The following DLG2 variants were observed in gnomAD, a reference collection of about 807,000 sequenced individuals.
The protein encoded by DLG2 is discs large MAGUK scaffold protein 2.
Under a neutral mutation model 132.5 loss-of-function variants are expected in DLG2, and 45 were observed. The ratio of observed to expected loss-of-function variants is 0.34; its 90% CI spans 0.27 to 0.44. The LOEUF (loss-of-function observed/expected upper bound fraction) is 0.44. Among genes scored for constraint, DLG2 ranks in the 20% least tolerant of loss-of-function variants. The pLI, the probability that DLG2 is intolerant of heterozygous loss-of-function variation, is 1.00. For missense variants in DLG2, 1,045 were observed against 1,196.9 expected, an observed-to-expected ratio of 0.87 and a Z score of 1.87; for synonymous variants, 424 against 419.6, an observed-to-expected ratio of 1.01 and a Z score of -0.13.
chr11:85,182,611 T>C (rs1417307579), intron 4 of DLG2, among the ~76,000 whole-genome samples: 1 of 151,112 alleles, frequency 6.6e-6, no homozygotes, highest in African/African-American at 2.4e-5. Flanking sequence ...GAAAGAGAAA[T>C]GGGGTGGGGT....
At chr11:84,208,372 C>T (rs1399943282) in intron 8 of DLG2, among the ~76,000 whole-genome samples, 2 of 138,680 alleles carry the variant, frequency 1.4e-5, no homozygotes, top group African/African-American at 2.8e-5. Context: ...GTGAGATGGA[C>T]TCGCTCTGTC....
chr11:83,487,660 CAGCTTGATGCTTGAAGATTATTTA>C (rs1399163789), intron 21 of DLG2, among the ~76,000 whole-genome samples: 6 of 152,078 alleles, frequency 3.9e-5, no homozygotes, highest in African/African-American at 1.4e-4. Context: ...GTTCTTCCCA[CAGCTTGATGCTTGAAGATTATTTA>C]TTTAAATCAT....
At chr11:83,873,237 G>GA (rs529956489) in intron 16 of DLG2, among the ~76,000 whole-genome samples, 10 of 150,780 alleles carry the variant, frequency 6.6e-5, no homozygotes, top group East Asian at 5.8e-4. Context: ...TCAGTGTTCA[G>GA]AAAAAAAAAT....
At chr11:83,709,757 G>C (rs12280860) in intron 18 of DLG2, among the ~76,000 whole-genome samples, 7,607 of 152,228 alleles carry the variant, frequency 0.05, 641 homozygotes, top group African/African-American at 0.17. Context: ...TGATGTATCT[G>C]GAAGTGATCC....
chr11:83,839,867 G>A (rs555201581), intron 16 of DLG2, among the ~76,000 whole-genome samples: 1 of 152,258 alleles, frequency 6.6e-6, no homozygotes, highest in South Asian at 2.1e-4. Flanking sequence ...GAATGTCATG[G>A]TATCTACTCC....
intron 18 of DLG2, among the ~76,000 whole-genome samples, chr11:83,638,879 C>T (rs1364116745): frequency 6.6e-6 from 1 of 152,182 alleles, no homozygotes; most frequent in Non-Finnish European, 1.5e-5. Context: ...TACTGATGGA[C>T]ACTTGGATGG....
chr11:84,105,605 G>A (rs1479218902), intron 9 of DLG2, among the ~76,000 whole-genome samples: 3 of 152,092 alleles, frequency 2.0e-5, no homozygotes, highest in African/African-American at 7.2e-5. Context: ...GATAATATAT[G>A]TTACTTTTCT....
chr11:84,569,774 C>T (rs1265204764), intron 6 of DLG2, among the ~76,000 whole-genome samples: 1 of 152,172 alleles, frequency 6.6e-6, no homozygotes, highest in Non-Finnish European at 1.5e-5. Context: ...ACCATACTCA[C>T]TTAAGATTGA....
At chr11:84,974,414 T>C (rs2054571955) in intron 6 of DLG2, among the ~76,000 whole-genome samples, 1 of 152,200 alleles carries the variant, frequency 6.6e-6, no homozygotes, top group African/African-American at 2.4e-5. Flanking sequence ...TAGTTAACTT[T>C]CTAAATGTCC....
chr11:84,635,153 A>G (rs2154544320), intron 6 of DLG2, among the ~76,000 whole-genome samples: 1 of 152,328 alleles, frequency 6.6e-6, no homozygotes, highest in Admixed American at 6.5e-5. Context: ...AGGCAGCGGG[A>G]ATTTCAGACA....
intron 15 of DLG2, among the ~76,000 whole-genome samples, chr11:83,896,259 T>C (rs908633556): frequency 2.6e-5 from 4 of 152,226 alleles, no homozygotes; most frequent in African/African-American, 9.6e-5. Flanking sequence ...TTATATCTTA[T>C]TGAAGGTATC....
At chr11:83,484,335 G>T in intron 21 of DLG2, 107 bp from the exon 22 acceptor site, 2 of 762,932 alleles carry the variant, frequency 2.6e-6, no homozygotes, top group East Asian at 5.1e-5. Flanking sequence ...CTGTAGTGAC[G>T]CAAGTGGATA....
rs145265803 is a variant in DLG2 at position 85,026,977 on chromosome 11, G to A, written c.357+84684C>T. 1.5e-4 allele frequency among the ~76,000 whole-genome samples: 22 copies of A among 149,340 alleles called. No individual in the cohort carries two copies. In the East Asian group the frequency reaches 2.6e-3, roughly 18 times the overall value. On this transcript the variant is annotated intron_variant, in intron 6 of 27. Coordinates refer to ENST00000376104, the MANE Select transcript of DLG2 (RefSeq NM_001142699.3). Reference sequence around the variant, plus strand: ...GTCTAAGGATGACCAATACAATACCGTTTCTAATAACAAAGGATTATAAAT... The same window carrying A: ...GTCTAAGGATGACCAATACAATACCATTTCTAATAACAAAGGATTATAAAT...
At chr11:84,481,398 C>T (rs11606836) in intron 7 of DLG2, among the ~76,000 whole-genome samples, 51,092 of 151,974 alleles carry the variant, frequency 0.34, 11,077 homozygotes, top group African/African-American at 0.62. Context: ...TATCAGAGGC[C>T]ATCTGAGGTA....
intron 6 of DLG2, among the ~76,000 whole-genome samples, chr11:84,673,318 A>G (rs74612461): frequency 6.6e-6 from 1 of 152,112 alleles, no homozygotes; most frequent in Non-Finnish European, 1.5e-5. Flanking sequence ...TATATGCAAC[A>G]GAATCCACTT....
At chr11:85,066,025 G>C (rs1801047156) in intron 6 of DLG2, among the ~76,000 whole-genome samples, 1 of 151,478 alleles carries the variant, frequency 6.6e-6, no homozygotes, top group African/African-American at 2.4e-5. Context: ...ATGAAAAGTG[G>C]GTTCTTTGAA....
At chr11:84,637,486 A>G (rs1223424969) in intron 6 of DLG2, among the ~76,000 whole-genome samples, 2 of 152,228 alleles carry the variant, frequency 1.3e-5, no homozygotes, top group Admixed American at 1.3e-4. Flanking sequence ...AGCCTGATAA[A>G]TGCCTGAAAG....
At chr11:84,867,515 GT>G in intron 6 of DLG2, among the ~76,000 whole-genome samples, 1 of 152,112 alleles carries the variant, frequency 6.6e-6, no homozygotes, top group Non-Finnish European at 1.5e-5. Context: ...GTTAGCCTTT[GT>G]TTTTTAAGGC....
intron 3 of DLG2, among the ~76,000 whole-genome samples, chr11:85,533,595 C>T (rs949332890): frequency 6.6e-6 from 1 of 151,876 alleles, no homozygotes; most frequent in Non-Finnish European, 1.5e-5. Flanking sequence ...GTGAATGGTG[C>T]TGCAATAAAC....
Sources: allele counts gnomAD v4.1 joint callset (sites outside exome capture counted in the v4.1 genomes callset), GRCh38; gene constraint gnomAD v4.1.1; transcripts MANE v1.5; gene names NCBI Gene and HGNC (gene_info 2026-07-23, HGNC 2026-07-21).